RMND5A: variants seen among roughly 807,000 people sequenced by gnomAD.
The protein encoded by RMND5A is E3 ubiquitin-protein transferase RMND5A.
Under a neutral mutation model 49.7 loss-of-function variants are expected in RMND5A, and 17 were observed. That is an observed-to-expected ratio of 0.34 (90% CI 0.23 to 0.51). The LOEUF is 0.51. Among genes scored for constraint, RMND5A ranks in the 20% least tolerant of loss-of-function variants. RMND5A has a pLI of 0.96. For missense variants in RMND5A, 255 were observed against 471.3 expected (o/e 0.54, Z 4.25); for synonymous variants, 156 against 167.7 (o/e 0.93, Z 0.54).
rs556932088 is a variant in RMND5A, at chr2:86,728,918, A to AT, written c.142+8119dup. Among the ~76,000 whole-genome samples the AT allele has an allele frequency of 5.1e-3, 751 of 148,518 alleles. 1 individual carries two copies. Among genetic ancestry groups the AT allele is most frequent in the East Asian group, 0.016 (80 of 5,070 alleles). ...CAGGCGCATGCCACCAGGCCTGACT[A>AT]TTTTTTTTTTGTATTTTAGTAGAGA... On this transcript the variant is annotated intron_variant, in intron 1 of 8. Coordinates refer to ENST00000283632, the MANE Select transcript of RMND5A (RefSeq NM_022780.4).
chr2:86,771,798 A>T, intron 8 of RMND5A, 86 bp downstream of exon 8: 1 of 1,116,160 alleles, frequency 9.0e-7, no homozygotes, highest in Non-Finnish European at 1.3e-6. Context: ...AGGATTAAAA[A>T]AATGTAGCTA....
chr2:86,761,035 G>A lies in RMND5A; in HGVS notation c.522-3992G>A, dbSNP rs1005665584. On this transcript the variant is annotated intron_variant, in intron 4 of 8. Coordinates refer to ENST00000283632, the MANE Select transcript of RMND5A (RefSeq NM_022780.4). ...GTTTGGCTACTATTCGGGCCAAATT[G>A]ATAATAGTTGCCTTATTGAAAGAAG... 5.3e-5 allele frequency among the ~76,000 whole-genome samples: 8 copies of A among 150,602 alleles called. 1 individual carries two copies. The highest frequency in any genetic ancestry group is 3.3e-4 in the Admixed American group (5 of 15,092).
At chr2:86,769,481 A>C (rs976579201) in intron 6 of RMND5A, among the ~76,000 whole-genome samples, 1 of 152,240 alleles carries the variant, frequency 6.6e-6, no homozygotes, top group Non-Finnish European at 1.5e-5. Context: ...AATTTTGTGC[A>C]AGAACATCTC....
At chr2:86,770,682 G>A (rs1422390710) in intron 7 of RMND5A, among the ~76,000 whole-genome samples, 2 of 152,240 alleles carry the variant, frequency 1.3e-5, no homozygotes, top group Admixed American at 6.5e-5. Context: ...TCTCTAAGCA[G>A]TAGTGTATTC....
chr2:86,756,822 G>A (rs1005379120), intron 4 of RMND5A, among the ~76,000 whole-genome samples: 3 of 152,162 alleles, frequency 2.0e-5, no homozygotes, highest in Non-Finnish European at 4.4e-5. Flanking sequence ...GGAAGGAGAG[G>A]ATGCAGCAAT....
chr2:86,765,902 G>C lies in RMND5A; in HGVS notation c.732G>C (p.Gly244=). ...GAAGCCTTGTGTACCTGAGACAAGG[G>C]ATTGAGAACTCACCATATGTTCACC... ...LMGSLVYLRQ[G]IENSPYVHLL... is the part of the protein sequence containing the mutation. Residue 244 remains glycine, a synonymous_variant, in exon 6 of 9, where the codon GGG becomes GGC. Transcript: ENST00000283632. 1 of 1,614,064 alleles carries C rather than the reference G, an allele frequency of 6.2e-7. No homozygotes were observed. Among genetic ancestry groups the C allele is most frequent in the Non-Finnish European group, 8.5e-7 (1 of 1,179,974 alleles).
chr2:86,754,526 A>G (rs912864869), intron 4 of RMND5A, among the ~76,000 whole-genome samples: 1 of 152,154 alleles, frequency 6.6e-6, no homozygotes, highest in Non-Finnish European at 1.5e-5. Context: ...CCACTAACCC[A>G]TTTAATTCTT....
Position 86,774,527 on chromosome 2 carries a change from A to G in RMND5A, c.*1116A>G, listed in dbSNP as rs561672743. ...GAATCTGTATATTATTCTGATGGATACAGATAATGATCTTTTCTCTTGTGA... is the reference window on the plus strand; with the variant it reads ...GAATCTGTATATTATTCTGATGGATGCAGATAATGATCTTTTCTCTTGTGA... On this transcript the variant is annotated 3_prime_UTR_variant, in exon 9 of 9. Coordinates refer to ENST00000283632, the MANE Select transcript of RMND5A (RefSeq NM_022780.4). The G allele has an allele frequency of 2.0e-5, 3 of 152,808 alleles. No homozygotes were observed. In the South Asian group the frequency reaches 6.2e-4, roughly 32 times the overall value. The allele number at this position is 152,808 out of a possible 1,614,324, so 9.5% of individuals were successfully genotyped here. A position where few individuals can be genotyped will look rare whatever the true frequency, so the allele number is the denominator to read the frequency against.
At chr2:86,745,188 C>A (rs1217590656) in intron 2 of RMND5A, among the ~76,000 whole-genome samples, 1 of 152,082 alleles carries the variant, frequency 6.6e-6, no homozygotes, top group Non-Finnish European at 1.5e-5. Flanking sequence ...CTTTAGACTT[C>A]TAGGTATGTG....
intron 6 of RMND5A, among the ~76,000 whole-genome samples, chr2:86,768,307 T>C (rs1447518151): frequency 6.6e-6 from 1 of 152,230 alleles, no homozygotes; most frequent in African/African-American, 2.4e-5. Context: ...ATGTTTTGCA[T>C]ACCTGCTATG....
chr2:86,743,983 A>G lies in RMND5A; in HGVS notation c.285+2914A>G, dbSNP rs187338067. The stretch of plus-strand genomic sequence containing the variant: ...ACAGAGCGAGACTCCATCTCAAAAA[A>G]AAAAAAAAAATACATACATACATAC... On this transcript the variant is annotated intron_variant, in intron 2 of 8. Transcript: ENST00000283632. Among the ~76,000 whole-genome samples the G allele has an allele frequency of 2.1e-3, 321 of 152,024 alleles. 7 individuals are homozygous for G. The highest frequency in any genetic ancestry group is 4.1e-4 in the Non-Finnish European group (28 of 67,960).
In RMND5A at chr2:86,720,748, C is replaced by A; in HGVS notation, c.81C>A (p.Arg27=). 6.3e-7 allele frequency: 1 copy of A among 1,593,288 alleles called. No homozygotes were observed. The highest frequency in any genetic ancestry group is 8.5e-7 in the Non-Finnish European group (1 of 1,170,770). Residue 27 remains arginine, a synonymous_variant, in exon 1 of 9, where the codon CGC becomes CGA. Coordinates refer to ENST00000283632, the MANE Select transcript of RMND5A (RefSeq NM_022780.4). The part of the protein sequence containing the change: ...KFSGYGQLCE[R]GLEELIDYTG... Reference sequence around the variant, plus strand: ...CAGGCTACGGGCAGCTGTGCGAGCGCGGCCTGGAGGAGCTCATCGACTACA... The same window carrying A: ...CAGGCTACGGGCAGCTGTGCGAGCGAGGCCTGGAGGAGCTCATCGACTACA...
intron 2 of RMND5A, among the ~76,000 whole-genome samples, chr2:86,743,965 G>A (rs1174192691): frequency 5.4e-5 from 8 of 147,812 alleles, no homozygotes; most frequent in African/African-American, 1.8e-4. Context: ...GCAACAGAGC[G>A]AGACTCCATC....
Position 86,776,156 on chromosome 2 carries a change from A to C in RMND5A, c.*2745A>C, listed in dbSNP as rs1403422476. On this transcript the variant is annotated 3_prime_UTR_variant, in exon 9 of 9. Coordinates refer to ENST00000283632, the MANE Select transcript of RMND5A (RefSeq NM_022780.4). ...CTTATTAGCAAATCTTTAGATTCTGACTTAGCCAGAGCATCTGAGTGTTCA... is the reference window on the plus strand; with the variant it reads ...CTTATTAGCAAATCTTTAGATTCTGCCTTAGCCAGAGCATCTGAGTGTTCA... 2.0e-5 allele frequency: 3 copies of C among 152,196 alleles called. No homozygotes were observed. The highest frequency in any genetic ancestry group is 4.4e-5 in the Non-Finnish European group (3 of 68,032). 9.4% of individuals were successfully genotyped at this position (152,196 alleles called of 1,614,324 possible).
intron 4 of RMND5A, among the ~76,000 whole-genome samples, chr2:86,763,579 A>G (rs1168693014): frequency 6.6e-6 from 1 of 152,166 alleles, no homozygotes; most frequent in Admixed American, 6.6e-5. Flanking sequence ...CAGGAGTTCA[A>G]AATCAGCTTG....
In RMND5A at chr2:86,728,163, A is replaced by G; in HGVS notation, c.142+7354A>G. On this transcript the variant is annotated intron_variant, in intron 1 of 8. Coordinates refer to ENST00000283632, the MANE Select transcript of RMND5A (RefSeq NM_022780.4). ...AGATGAGGAGAGAATCTTTTAAAAG[A>G]AACATTATTCATGGCCCTGGTCCTC... Among the ~76,000 whole-genome samples the G allele has an allele frequency of 2.5e-5, 2 of 79,136 alleles. 1 individual carries two copies. Among genetic ancestry groups the G allele is most frequent in the Non-Finnish European group, 5.3e-5 (2 of 37,488 alleles). The allele number at this position is 79,136 out of a possible 152,430, so 51.9% of individuals were successfully genotyped here.
chr2:86,770,174 A>AT lies in RMND5A; in HGVS notation c.957+50dup, dbSNP rs752763063. The AT allele has an allele frequency of 5.6e-5, 68 of 1,222,440 alleles. 1 individual carries two copies. The East Asian group carries it at 1.3e-3, about 23-fold the overall frequency. The allele number at this position is 1,222,440 out of a possible 1,614,324, so 75.7% of individuals were successfully genotyped here. The stretch of plus-strand genomic sequence containing the variant: ...ATTTACTTTTACTGCCATTAGAAGA[A>AT]TATGGCATCTTTAAATGTTCATCTT... On this transcript the variant is annotated intron_variant, in intron 7 of 8. Transcript: ENST00000283632.
At chr2:86,755,120 T>TC (rs1681709744) in intron 4 of RMND5A, among the ~76,000 whole-genome samples, 1 of 151,672 alleles carries the variant, frequency 6.6e-6, no homozygotes, top group East Asian at 1.9e-4. Context: ...TACTTTTTTT[T>TC]TTTTTTTTCC....
In RMND5A at chr2:86,720,779, G is replaced by T. The variant is rs1343628785; in HGVS notation, c.112G>T (p.Gly38Cys). The stretch of plus-strand genomic sequence containing the variant: ...GGAGGAGCTCATCGACTACACCGGC[G>T]GCCTCAAGCACGAGATCCTGCAGAG... ...GLEELIDYTG[G>C]LKHEILQSHG... The change falls in exon 1 of 9, where the codon GGC becomes TGC. Residue 38 changes from glycine to cysteine, a missense_variant. Gly to Cys is a radical substitution (Grantham distance 159, BLOSUM62 -3). Around this residue, in one of 3 missense-constraint regions of RMND5A, gnomAD observed 42 missense variants for 59.9 expected, o/e 0.70. Transcript: ENST00000283632. 6 of 1,595,476 alleles carry T rather than the reference G, an allele frequency of 3.8e-6. No homozygotes were observed. Among genetic ancestry groups the T allele is most frequent in the South Asian group, 1.1e-5 (1 of 88,726 alleles).
Sources: allele counts gnomAD v4.1 joint callset (sites outside exome capture counted in the v4.1 genomes callset), GRCh38; gene constraint gnomAD v4.1.1; regional missense constraint gnomAD v4.1.1; transcripts MANE v1.5; gene names NCBI Gene and HGNC (gene_info 2026-07-23, HGNC 2026-07-21).